The following ZFHX3 variants were observed in gnomAD, a reference collection of about 807,000 sequenced individuals.
The protein encoded by ZFHX3 is zinc finger homeobox 3, also known as zinc finger homeobox protein 3.
ZFHX3 carries 42 observed loss-of-function variants against 279.1 expected under a neutral mutation model. The ratio of observed to expected loss-of-function variants is 0.15; its 90% CI spans 0.12 to 0.19. The LOEUF (loss-of-function observed/expected upper bound fraction) is 0.19. Ranked by LOEUF, ZFHX3 falls within the 10% of genes least tolerant of loss-of-function variation. The pLI is 1.00. For missense variants in ZFHX3, 4,981 were observed against 4,754.0 expected (o/e 1.05, Z -1.40); for synonymous variants, 2,293 against 1,957.8 (o/e 1.17, Z -4.52).
intron 1 of ZFHX3, among the ~76,000 whole-genome samples, chr16:73,874,926 C>T (rs2029900028): frequency 6.6e-6 from 1 of 152,168 alleles, no homozygotes; most frequent in African/African-American, 2.4e-5. Context: ...AACATATCCA[C>T]AAATGGGTAT....
At chr16:73,156,277 A>G (rs1039661763) in intron 5 of ZFHX3, among the ~76,000 whole-genome samples, 4 of 151,586 alleles carry the variant, frequency 2.6e-5, no homozygotes, top group Admixed American at 1.3e-4. Context: ...GTTCTTTTCC[A>G]GTAACACAAA....
intron 3 of ZFHX3, among the ~76,000 whole-genome samples, chr16:73,418,223 T>A (rs967079925): frequency 6.6e-5 from 10 of 152,234 alleles, no homozygotes; most frequent in African/African-American, 2.4e-4. Flanking sequence ...CTTCTGAGAA[T>A]AAGCCCCAGG....
chr16:73,663,857 T>A (rs895595639), intron 2 of ZFHX3, among the ~76,000 whole-genome samples: 1 of 152,150 alleles, frequency 6.6e-6, no homozygotes, highest in African/African-American at 2.4e-5. Flanking sequence ...TTCTTTCTCA[T>A]TGGAGCAATT....
intron 2 of ZFHX3, among the ~76,000 whole-genome samples, chr16:73,478,345 C>T (rs951463962): frequency 1.3e-4 from 19 of 151,954 alleles, no homozygotes; most frequent in Admixed American, 2.0e-4. Flanking sequence ...AACCCTGGAC[C>T]CTCAGATTAA....
At chr16:72,829,594 A>G in intron 5 of ZFHX3, 185 bp downstream of exon 5, 1 of 617,942 alleles carries the variant, frequency 1.6e-6, no homozygotes. Context: ...AGTATAATAA[A>G]GAAGAATAAA....
intron 2 of ZFHX3, among the ~76,000 whole-genome samples, chr16:73,474,768 T>C (rs1289438884): frequency 6.6e-6 from 1 of 152,228 alleles, no homozygotes; most frequent in Non-Finnish European, 1.5e-5. Context: ...CACCAGTGCC[T>C]AAGAAAGTGC....
chr16:73,003,318 A>G (rs77289509), intron 1 of ZFHX3, among the ~76,000 whole-genome samples: 1,296 of 105,320 alleles, frequency 0.012, 17 homozygotes, highest in African/African-American at 0.036. Context: ...AATTAAAGGG[A>G]AAAAAAAAAA....
chr16:73,595,691 G>A (rs1233878365), intron 2 of ZFHX3, among the ~76,000 whole-genome samples: 2 of 151,970 alleles, frequency 1.3e-5, no homozygotes, highest in African/African-American at 2.4e-5. Context: ...TCACTTTACG[G>A]GTATCTCTTC....
At chr16:73,792,463 G>A (rs1371906852) in intron 1 of ZFHX3, among the ~76,000 whole-genome samples, 2 of 152,196 alleles carry the variant, frequency 1.3e-5, no homozygotes, top group East Asian at 1.9e-4. Flanking sequence ...AGATGGAAGA[G>A]AAAAAGACAA....
chr16:73,037,645 T>C (rs1052286361), intron 1 of ZFHX3, among the ~76,000 whole-genome samples: 3 of 152,022 alleles, frequency 2.0e-5, no homozygotes, highest in African/African-American at 4.8e-5. Flanking sequence ...TTCAGGCTCC[T>C]GGAAACTCTA....
intron 3 of ZFHX3, among the ~76,000 whole-genome samples, chr16:73,449,147 G>A (rs1329692975): frequency 6.6e-6 from 1 of 152,216 alleles, no homozygotes; most frequent in Non-Finnish European, 1.5e-5. Context: ...AGTACTGTGA[G>A]ACAATGGACA....
At chr16:73,797,039 TAA>T (rs535961090) in intron 1 of ZFHX3, among the ~76,000 whole-genome samples, 2 of 142,160 alleles carry the variant, frequency 1.4e-5, no homozygotes, top group African/African-American at 2.6e-5. Flanking sequence ...CTGTCTCTAC[TAA>T]AAAAAAAAAA....
At chr16:73,806,569 G>A (rs576855325) in intron 1 of ZFHX3, among the ~76,000 whole-genome samples, 3 of 152,084 alleles carry the variant, frequency 2.0e-5, no homozygotes, top group South Asian at 2.1e-4. Flanking sequence ...TGGGGATGGG[G>A]ATTAGTTGTC....
At chr16:73,273,659 G>A (rs1271314197) in intron 4 of ZFHX3, among the ~76,000 whole-genome samples, 2 of 151,946 alleles carry the variant, frequency 1.3e-5, no homozygotes, top group Non-Finnish European at 2.9e-5. Flanking sequence ...CTTTGTAAAG[G>A]CTATAGAGTA....
At chr16:72,896,367 T>C (rs2038900477) in intron 3 of ZFHX3, among the ~76,000 whole-genome samples, 1 of 152,194 alleles carries the variant, frequency 6.6e-6, no homozygotes, top group Non-Finnish European at 1.5e-5. Flanking sequence ...ACGGCCCCCA[T>C]CTGTCTCTGT....
intron 1 of ZFHX3, among the ~76,000 whole-genome samples, chr16:73,031,775 G>A (rs894921185): frequency 1.3e-5 from 2 of 152,260 alleles, no homozygotes; most frequent in African/African-American, 4.8e-5. Flanking sequence ...GGTCACCACG[G>A]GCCCTCTGGC....
intron 1 of ZFHX3, among the ~76,000 whole-genome samples, chr16:73,719,864 C>G (rs1045891905): frequency 1.3e-5 from 2 of 152,044 alleles, no homozygotes; most frequent in African/African-American, 4.8e-5. Flanking sequence ...AACTCCCAAC[C>G]TCAGGTGATC....
At chr16:73,207,585 A>G (rs1412142854) in intron 5 of ZFHX3, among the ~76,000 whole-genome samples, 1 of 152,234 alleles carries the variant, frequency 6.6e-6, no homozygotes, top group African/African-American at 2.4e-5. Context: ...TGACTCCAGC[A>G]CAAGTTAGCC....
intron 6 of ZFHX3, among the ~76,000 whole-genome samples, chr16:73,134,965 A>G (rs1156441980): frequency 2.0e-5 from 3 of 152,166 alleles, no homozygotes; most frequent in Non-Finnish European, 4.4e-5. Flanking sequence ...AGGAGATGCA[A>G]TCAACCTGTG....
Sources: gnomAD v4.1 joint callset for allele counts (sites outside exome capture counted in the v4.1 genomes callset) on GRCh38, gnomAD v4.1.1 for gene constraint, MANE v1.5 for transcripts, NCBI Gene and HGNC (gene_info 2026-07-23, HGNC 2026-07-21) for gene names.